Variants in ELP4 observed in about 807,000 individuals in gnomAD.
ELP4 encodes elongator acetyltransferase complex subunit 4.
Under a neutral mutation model 48.9 loss-of-function variants are expected in ELP4, and 51 were observed. That is an observed-to-expected ratio of 1.04 (90% CI 0.83 to 1.32). The LOEUF is 1.32. Ranked by LOEUF, ELP4 falls within the 40% of genes most tolerant of loss-of-function variation. ELP4 has a pLI of 0.00. For missense variants in ELP4, 519 were observed against 514.6 expected (o/e 1.01, Z -0.08); for synonymous variants, 210 against 189.2 (o/e 1.11, Z -0.90).
rs182232877 is a variant in ELP4, at chr11:31,688,842, A to T, written c.1143+38621A>T. On this transcript the variant is annotated intron_variant, in intron 9 of 9. Coordinates refer to ENST00000640961, the MANE Select transcript of ELP4 (RefSeq NM_019040.5). ...TTAGATTAATTTGAGCCTACATAAAAAGAAAACAAATTTGTGAGGATTTGA... is the reference window on the plus strand; with the variant it reads ...TTAGATTAATTTGAGCCTACATAAATAGAAAACAAATTTGTGAGGATTTGA... Among the ~76,000 whole-genome samples, 243 of 152,296 alleles carry T rather than the reference A, an allele frequency of 1.6e-3. 1 individual carries two copies. Among genetic ancestry groups the T allele is most frequent in the Non-Finnish European group, 2.0e-3 (136 of 68,026 alleles).
chr11:31,567,383 C>G (rs767255675), intron 3 of ELP4, among the ~76,000 whole-genome samples: 1 of 152,148 alleles, frequency 6.6e-6, no homozygotes, highest in African/African-American at 2.4e-5. Context: ...TTTTATTATT[C>G]TTTACTTGAT....
At chr11:31,533,519 A>G (rs1956440932) in intron 2 of ELP4, among the ~76,000 whole-genome samples, 1 of 150,868 alleles carries the variant, frequency 6.6e-6, no homozygotes. Flanking sequence ...CTGGGACTAC[A>G]TGCGCCGGCC....
intron 9 of ELP4, chr11:31,682,223 C>A: frequency 2.1e-6 from 1 of 485,556 alleles, no homozygotes; most frequent in South Asian, 4.8e-5. Context: ...TTGCCAGGAT[C>A]TGAATGATGA....
intron 9 of ELP4, chr11:31,682,164 T>G (rs1442491840): frequency 2.9e-6 from 3 of 1,044,796 alleles, no homozygotes; most frequent in Non-Finnish European, 3.6e-6. Flanking sequence ...TATTGACAAA[T>G]CTAAGAGAGA....
At chr11:31,553,413 A>C (rs1956881836) in intron 3 of ELP4, among the ~76,000 whole-genome samples, 1 of 152,112 alleles carries the variant, frequency 6.6e-6, no homozygotes, top group South Asian at 2.1e-4. Context: ...AGAAGACCTC[A>C]ATAAAACAAA....
chr11:31,522,745 A>T (rs1025028053), intron 2 of ELP4, among the ~76,000 whole-genome samples: 2 of 152,168 alleles, frequency 1.3e-5, no homozygotes, highest in Non-Finnish European at 2.9e-5. Context: ...CATATGCTTC[A>T]GCCAACAATT....
chr11:31,739,244 G>A (rs1209964934), intron 9 of ELP4, among the ~76,000 whole-genome samples: 2 of 152,120 alleles, frequency 1.3e-5, no homozygotes, highest in Non-Finnish European at 1.5e-5. Flanking sequence ...AACATTTCTG[G>A]AAAGTATACA....
chr11:31,655,043 C>G (rs775530811), intron 9 of ELP4, among the ~76,000 whole-genome samples: 7 of 151,930 alleles, frequency 4.6e-5, no homozygotes, highest in South Asian at 2.1e-4. Context: ...ACATAGGCAT[C>G]TATTCATTTA....
chr11:31,597,634 C>A (rs1341639984), intron 4 of ELP4, among the ~76,000 whole-genome samples: 10 of 152,112 alleles, frequency 6.6e-5, no homozygotes, highest in Non-Finnish European at 1.0e-4. Context: ...TACAGTGGAG[C>A]GATCTCAGCT....
intron 3 of ELP4, among the ~76,000 whole-genome samples, chr11:31,549,739 A>C (rs570158844): frequency 2.0e-5 from 3 of 152,242 alleles, no homozygotes; most frequent in Admixed American, 6.5e-5. Flanking sequence ...TACCTACCCA[A>C]ATGTCCAACA....
At chr11:31,684,026 G>A (rs982136638) in intron 9 of ELP4, among the ~76,000 whole-genome samples, 4 of 152,078 alleles carry the variant, frequency 2.6e-5, no homozygotes, top group African/African-American at 9.7e-5. Context: ...ACGATGCTCT[G>A]TGCAGTCCTA....
intron 3 of ELP4, among the ~76,000 whole-genome samples, chr11:31,544,119 A>C (rs1165991140): frequency 6.6e-6 from 1 of 152,218 alleles, no homozygotes; most frequent in Non-Finnish European, 1.5e-5. Flanking sequence ...TACCAGGTTC[A>C]TCTCACTAGG....
At chr11:31,525,509 GA>G (rs1171423748) in intron 2 of ELP4, among the ~76,000 whole-genome samples, 3 of 151,978 alleles carry the variant, frequency 2.0e-5, no homozygotes, top group Admixed American at 6.6e-5. Flanking sequence ...GAGTGATGAA[GA>G]AAAAAAATTG....
At chr11:31,628,519 A>G (rs1433779319) in intron 6 of ELP4, 2 of 152,050 alleles carry the variant, frequency 1.3e-5, no homozygotes, top group Non-Finnish European at 2.9e-5. Flanking sequence ...GAATAGAGTA[A>G]AACATTTGTT....
intron 9 of ELP4, among the ~76,000 whole-genome samples, chr11:31,743,907 G>T (rs538781632): frequency 1.3e-5 from 2 of 152,216 alleles, no homozygotes; most frequent in South Asian, 2.1e-4. Flanking sequence ...AGAACTGAAG[G>T]AAATAGAGAC....
intron 5 of ELP4, among the ~76,000 whole-genome samples, chr11:31,622,908 T>G (rs954798112): frequency 2.0e-5 from 3 of 151,592 alleles, no homozygotes; most frequent in Non-Finnish European, 3.0e-5. Context: ...CTTTTTTAAC[T>G]AAAGAAAATA....
chr11:31,553,152 T>C (rs1956878104), intron 3 of ELP4, among the ~76,000 whole-genome samples: 1 of 152,210 alleles, frequency 6.6e-6, no homozygotes, highest in African/African-American at 2.4e-5. Context: ...TCTGTATTAG[T>C]TCATTGTGTT....
At chr11:31,757,460 T>A (rs777852809) in intron 9 of ELP4, among the ~76,000 whole-genome samples, 1 of 152,128 alleles carries the variant, frequency 6.6e-6, no homozygotes, top group Non-Finnish European at 1.5e-5. Flanking sequence ...GTTTGGGAGC[T>A]GACAAATAAG....
chr11:31,625,109 A>G (rs1050339971), intron 5 of ELP4, among the ~76,000 whole-genome samples: 8 of 151,668 alleles, frequency 5.3e-5, no homozygotes, highest in African/African-American at 1.9e-4. Flanking sequence ...ATCATTTATT[A>G]TTATTATGTA....
Sources: allele counts gnomAD v4.1 joint callset (sites outside exome capture counted in the v4.1 genomes callset), GRCh38; gene constraint gnomAD v4.1.1; transcripts MANE v1.5; gene names NCBI Gene and HGNC (gene_info 2026-07-23, HGNC 2026-07-21).